The following LUZP2 variants were observed in gnomAD, a reference collection of about 807,000 sequenced individuals.
LUZP2 encodes leucine zipper protein 2.
LUZP2 carries 52 observed loss-of-function variants against 51.6 expected under a neutral mutation model. The observed-to-expected ratio is 1.01, with a 90% CI of 0.81 to 1.27. The LOEUF (loss-of-function observed/expected upper bound fraction) is 1.27, where lower values mean the gene tolerates loss of function less well. Among genes scored for constraint, LUZP2 ranks in the 50% most tolerant of loss-of-function variants. The probability of loss-of-function intolerance (pLI) is 0.00; values close to 1 mark genes in which losing one functional copy is unlikely to be tolerated. For missense variants in LUZP2, 436 were observed against 395.4 expected (o/e 1.10, Z -0.87); for synonymous variants, 154 against 137.3 (o/e 1.12, Z -0.85).
rs142055852 is a variant in LUZP2 at position 24,933,962 on chromosome 11, A to G, written c.522+19424A>G. On this transcript the variant is annotated intron_variant, in intron 7 of 11. Coordinates refer to ENST00000336930, the MANE Select transcript of LUZP2 (RefSeq NM_001009909.4). ...ATTACAAAGTACCTTCTTAAGGGCA[A>G]GGGTTGGGGGGAGGATATTACAATG... is the stretch of plus-strand genomic sequence containing the variant. 9.7e-3 allele frequency among the ~76,000 whole-genome samples: 1,472 copies of G among 152,204 alleles called. 20 individuals carry two copies. Among genetic ancestry groups the G allele is most frequent in the South Asian group, 0.045 (217 of 4,816 alleles).
chr11:24,537,975 A>T (rs1851233304), intron 1 of LUZP2, among the ~76,000 whole-genome samples: 1 of 151,486 alleles, frequency 6.6e-6, no homozygotes, highest in Admixed American at 6.6e-5. Flanking sequence ...TTTTCTTAAG[A>T]CTAATTACTT....
intron 5 of LUZP2, among the ~76,000 whole-genome samples, chr11:24,858,194 A>G (rs147776729): frequency 6.6e-6 from 1 of 152,278 alleles, no homozygotes; most frequent in Non-Finnish European, 1.5e-5. Flanking sequence ...ATTGTTGAGC[A>G]TACTTTTAAC....
chr11:24,899,020 C>T (rs536065869), intron 5 of LUZP2, among the ~76,000 whole-genome samples: 16 of 152,152 alleles, frequency 1.1e-4, no homozygotes, highest in South Asian at 1.0e-3. Context: ...AAATAACATA[C>T]GCATATTGGC....
intron 10 of LUZP2, among the ~76,000 whole-genome samples, chr11:25,059,130 GT>G (rs1456289848): frequency 6.6e-6 from 1 of 152,116 alleles, no homozygotes; most frequent in African/African-American, 2.4e-5. Context: ...AGATTTACCA[GT>G]TGTGTATTTG....
In LUZP2 at chr11:24,764,153, C is replaced by T. The variant is rs1273579505; in HGVS notation, c.396+845C>T. Among the ~76,000 whole-genome samples, 4 of 152,104 alleles carry T rather than the reference C, an allele frequency of 2.6e-5. No homozygotes were observed. In the East Asian group the frequency reaches 7.7e-4, roughly 29 times the overall value. On this transcript the variant is annotated intron_variant, in intron 5 of 11. Transcript: ENST00000336930. ...AAAACATTTTAAACGAGATTAAAGT[C>T]AGTTTTAAAATAGGGTAGGGAGTAC...
intron 5 of LUZP2, among the ~76,000 whole-genome samples, chr11:24,833,546 G>T (rs543915329): frequency 6.6e-6 from 1 of 152,106 alleles, no homozygotes; most frequent in Non-Finnish European, 1.5e-5. Flanking sequence ...CCAGAGGTAG[G>T]TTCTCAACCT....
chr11:25,025,195 A>G (rs1857455012), intron 9 of LUZP2, among the ~76,000 whole-genome samples: 1 of 152,132 alleles, frequency 6.6e-6, no homozygotes, highest in Admixed American at 6.6e-5. Flanking sequence ...TAAAAACCCT[A>G]GAAGAAAACC....
chr11:24,719,923 TAG>T (rs1465643262), intron 1 of LUZP2, among the ~76,000 whole-genome samples: 2 of 152,158 alleles, frequency 1.3e-5, no homozygotes, highest in African/African-American at 2.4e-5. Flanking sequence ...ACCATAGAAG[TAG>T]AGTCATTGGC....
chr11:24,964,159 T>G (rs1243613865), intron 7 of LUZP2, among the ~76,000 whole-genome samples: 1 of 152,186 alleles, frequency 6.6e-6, no homozygotes, highest in African/African-American at 2.4e-5. Flanking sequence ...ACCACATTCC[T>G]GCCAATGTTT....
intron 1 of LUZP2, among the ~76,000 whole-genome samples, chr11:24,524,718 G>A (rs1421730649): frequency 1.3e-5 from 2 of 151,708 alleles, no homozygotes; most frequent in South Asian, 2.1e-4. Context: ...AAAAATGAGA[G>A]TAGTGTGCTA....
intron 1 of LUZP2, among the ~76,000 whole-genome samples, chr11:24,638,200 T>G (rs1335682412): frequency 1.3e-5 from 2 of 151,848 alleles, no homozygotes; most frequent in Non-Finnish European, 2.9e-5. Context: ...ATGTCTAATA[T>G]GTAATGTATT....
At chr11:24,925,844 C>A (rs1361461822) in intron 7 of LUZP2, among the ~76,000 whole-genome samples, 1 of 151,832 alleles carries the variant, frequency 6.6e-6, no homozygotes, top group Non-Finnish European at 1.5e-5. Flanking sequence ...ATCCATCACC[C>A]AAGCAGAGTA....
At chr11:24,634,803 C>A (rs1485636304) in intron 1 of LUZP2, among the ~76,000 whole-genome samples, 1 of 152,024 alleles carries the variant, frequency 6.6e-6, no homozygotes, top group African/African-American at 2.4e-5. Context: ...ATTTTGTTAT[C>A]ATTTTTTAAA....
chr11:24,650,974 A>G (rs894900750), intron 1 of LUZP2, among the ~76,000 whole-genome samples: 1 of 152,058 alleles, frequency 6.6e-6, no homozygotes, highest in African/African-American at 2.4e-5. Flanking sequence ...TTCTACAGGT[A>G]CTTAATAACT....
At chr11:24,975,643 G>A (rs1032660843) in intron 7 of LUZP2, among the ~76,000 whole-genome samples, 6 of 152,040 alleles carry the variant, frequency 3.9e-5, no homozygotes, top group African/African-American at 4.8e-5. Context: ...TTTGAACCTG[G>A]CTATTATGGT....
intron 7 of LUZP2, among the ~76,000 whole-genome samples, chr11:24,950,306 C>G (rs901492942): frequency 1.3e-5 from 2 of 151,446 alleles, no homozygotes; most frequent in Non-Finnish European, 3.0e-5. Context: ...AATGTTTAAT[C>G]TACCAAATTA....
intron 4 of LUZP2, among the ~76,000 whole-genome samples, chr11:24,747,140 A>G (rs1859411501): frequency 6.6e-6 from 1 of 152,084 alleles, no homozygotes; most frequent in East Asian, 1.9e-4. Flanking sequence ...TCATATTACC[A>G]GTGTTGGTCT....
At chr11:24,721,318 A>G (rs930955920) in intron 1 of LUZP2, among the ~76,000 whole-genome samples, 1 of 149,036 alleles carries the variant, frequency 6.7e-6, no homozygotes, top group Non-Finnish European at 1.5e-5. Context: ...CTAGAAAGGG[A>G]ACATTTTACA....
At chr11:24,874,345 C>T (rs1203685905) in intron 5 of LUZP2, among the ~76,000 whole-genome samples, 7 of 152,200 alleles carry the variant, frequency 4.6e-5, no homozygotes, top group Non-Finnish European at 1.5e-5. Context: ...ACTCAGGGGG[C>T]TGTAGGCAGG....
Sources: gnomAD v4.1 joint callset for allele counts (sites outside exome capture counted in the v4.1 genomes callset) on GRCh38, gnomAD v4.1.1 for gene constraint, MANE v1.5 for transcripts, NCBI Gene and HGNC (gene_info 2026-07-23, HGNC 2026-07-21) for gene names.